The following IQCM variants were observed in gnomAD, a reference collection of about 807,000 sequenced individuals.
IQCM encodes the protein IQ motif containing M.
IQCM carries 45 observed loss-of-function variants against 57.6 expected under a neutral mutation model. The observed-to-expected ratio is 0.78, with a 90% CI of 0.62 to 1.00. IQCM has a LOEUF of 1.00. Among genes scored for constraint, IQCM ranks in the 50% least tolerant of loss-of-function variants. The pLI, the probability that IQCM is intolerant of heterozygous loss-of-function variation, is 0.00. For missense variants in IQCM, 468 were observed against 511.6 expected (o/e 0.91, Z 0.82); for synonymous variants, 148 against 158.9 (o/e 0.93, Z 0.51).
At chr4:149,414,903 T>TA (rs369995434) in intron 13 of IQCM, among the ~76,000 whole-genome samples, 195 of 152,084 alleles carry the variant, frequency 1.3e-3, no homozygotes, top group African/African-American at 4.5e-3. Flanking sequence ...TGAAGCAAGG[T>TA]AAAAAACCCT....
At chr4:149,522,746 T>C (rs1745780338) in intron 12 of IQCM, among the ~76,000 whole-genome samples, 1 of 152,092 alleles carries the variant, frequency 6.6e-6, no homozygotes, top group African/African-American at 2.4e-5. Context: ...GGAAGGGTAA[T>C]TAATCAACTG....
chr4:149,631,221 G>A (rs554761015), intron 7 of IQCM, among the ~76,000 whole-genome samples: 41 of 152,224 alleles, frequency 2.7e-4, no homozygotes, highest in Admixed American at 2.4e-3. Flanking sequence ...GACTCCACTG[G>A]GAGAGAACTA....
chr4:149,731,429 G>A (rs183893709), intron 5 of IQCM, among the ~76,000 whole-genome samples: 9 of 152,074 alleles, frequency 5.9e-5, no homozygotes, highest in African/African-American at 1.4e-4. Flanking sequence ...TGGATTTCCC[G>A]CTTCCATAAC....
intron 5 of IQCM, among the ~76,000 whole-genome samples, chr4:149,707,363 A>G (rs1764235821): frequency 6.6e-6 from 1 of 152,062 alleles, no homozygotes; most frequent in African/African-American, 2.4e-5. Context: ...TATGCATGTT[A>G]CAATAGACAC....
In IQCM at chr4:149,505,842, T is replaced by C. The variant is rs560715063; in HGVS notation, c.1228+42613A>G. 2.0e-5 allele frequency among the ~76,000 whole-genome samples: 3 copies of C among 152,334 alleles called. No individual in the cohort carries two copies. In the East Asian group the frequency reaches 5.8e-4, roughly 29 times the overall value. On this transcript the variant is annotated intron_variant, in intron 12 of 13. Coordinates refer to ENST00000636793, the MANE Select transcript of IQCM (RefSeq NM_001363507.2). Reference sequence around the variant, plus strand: ...CACATTTATATAATCATGTACACATTTTTACATAACAGAATGTTAAATGGA... The same window carrying C: ...CACATTTATATAATCATGTACACATCTTTACATAACAGAATGTTAAATGGA...
In IQCM at chr4:149,585,632, C is replaced by A. The variant is rs1353994142; in HGVS notation, c.749+2298G>T. On this transcript the variant is annotated intron_variant, in intron 9 of 13. Transcript: ENST00000636793. ...AGTAATATTTTTAAATCACTAAAGC[C>A]ACTCAAGTTTAATAATTTATTAAGT... Among the ~76,000 whole-genome samples, 3 of 151,510 alleles carry A rather than the reference C, an allele frequency of 2.0e-5. No homozygotes were observed. In the Admixed American group the frequency reaches 2.0e-4, roughly 10 times the overall value.
intron 2 of IQCM, among the ~76,000 whole-genome samples, chr4:149,783,464 C>T (rs146207362): frequency 6.6e-6 from 1 of 152,098 alleles, no homozygotes; most frequent in African/African-American, 2.4e-5. Flanking sequence ...CACCTGCTTC[C>T]GTCTTGACCT....
At chr4:149,632,082 C>A (rs967261827) in intron 7 of IQCM, among the ~76,000 whole-genome samples, 4 of 152,206 alleles carry the variant, frequency 2.6e-5, no homozygotes, top group African/African-American at 7.2e-5. Flanking sequence ...GGTGAACCAA[C>A]CTCACCAGTT....
At chr4:149,383,843 T>C (rs1295409545) in intron 13 of IQCM, among the ~76,000 whole-genome samples, 1 of 151,944 alleles carries the variant, frequency 6.6e-6, no homozygotes, top group East Asian at 1.9e-4. Context: ...TCCCAGCTAA[T>C]TCAGGAGGCT....
chr4:149,492,929 T>C (rs1742249097), intron 12 of IQCM, among the ~76,000 whole-genome samples: 1 of 152,092 alleles, frequency 6.6e-6, no homozygotes, highest in South Asian at 2.1e-4. Context: ...AGTCAGGAAG[T>C]CATCTGACCC....
intron 2 of IQCM, among the ~76,000 whole-genome samples, chr4:149,769,043 T>A (rs1019377830): frequency 2.0e-5 from 3 of 152,106 alleles, no homozygotes; most frequent in African/African-American, 7.2e-5. Context: ...TAATCTTTCA[T>A]TATATAGGAT....
intron 5 of IQCM, among the ~76,000 whole-genome samples, chr4:149,703,026 A>G (rs2149815593): frequency 6.6e-6 from 1 of 152,036 alleles, no homozygotes; most frequent in East Asian, 1.9e-4. Context: ...CACGTAAGAA[A>G]AGCTGATCAA....
intron 5 of IQCM, among the ~76,000 whole-genome samples, chr4:149,715,896 G>A (rs1764949617): frequency 6.6e-6 from 1 of 152,194 alleles, no homozygotes; most frequent in African/African-American, 2.4e-5. Context: ...GCTCTTATCT[G>A]CAGATAGGTC....
intron 7 of IQCM, among the ~76,000 whole-genome samples, chr4:149,669,394 A>G (rs1384169457): frequency 2.0e-5 from 3 of 152,138 alleles, no homozygotes; most frequent in East Asian, 1.9e-4. Flanking sequence ...TCAGATGGGT[A>G]GATTGTAAAA....
chr4:149,666,296 A>T (rs945605134), intron 7 of IQCM: 1 of 152,186 alleles, frequency 6.6e-6, no homozygotes, highest in South Asian at 2.1e-4. Context: ...GCAGGGTAGG[A>T]TGTTGCCTCA....
chr4:149,575,827 C>G (rs1751589675), intron 9 of IQCM, among the ~76,000 whole-genome samples: 1 of 150,674 alleles, frequency 6.6e-6, no homozygotes, highest in East Asian at 2.0e-4. Flanking sequence ...AGAAGAGAAT[C>G]AGGCATGGGT....
chr4:149,779,451 T>C (rs989615372), intron 2 of IQCM, among the ~76,000 whole-genome samples: 1 of 152,102 alleles, frequency 6.6e-6, no homozygotes, highest in Non-Finnish European at 1.5e-5. Flanking sequence ...CACCCAGAAA[T>C]TGTCAAAACA....
chr4:149,745,920 C>A (rs779027246), intron 2 of IQCM, among the ~76,000 whole-genome samples: 1 of 151,772 alleles, frequency 6.6e-6, no homozygotes, highest in Non-Finnish European at 1.5e-5. Flanking sequence ...TGCAGTGAGC[C>A]GTGATCGTGC....
intron 7 of IQCM, among the ~76,000 whole-genome samples, chr4:149,633,086 G>A (rs997133102): frequency 2.0e-5 from 3 of 148,580 alleles, no homozygotes; most frequent in Admixed American, 2.0e-4. Context: ...GCGTGAACCC[G>A]GGAAGCGGAG....
Sources: gnomAD v4.1 joint callset for allele counts (sites outside exome capture counted in the v4.1 genomes callset) on GRCh38, gnomAD v4.1.1 for gene constraint, MANE v1.5 for transcripts, NCBI Gene and HGNC (gene_info 2026-07-23, HGNC 2026-07-21) for gene names.